The following ARNT variants were observed in gnomAD, a reference collection of about 807,000 sequenced individuals.
The protein encoded by ARNT is class E basic helix-loop-helix protein 2.
In ARNT, 30 loss-of-function variants were observed where a neutral mutation model predicts 105.0. The observed-to-expected ratio is 0.29, with a 90% CI of 0.21 to 0.39. The LOEUF (loss-of-function observed/expected upper bound fraction) is 0.39. Among genes scored for constraint, ARNT ranks in the 10% least tolerant of loss-of-function variants. The pLI, the probability that ARNT is intolerant of heterozygous loss-of-function variation, is 1.00. For missense variants in ARNT, 748 were observed against 978.7 expected (o/e 0.76, Z 3.15); for synonymous variants, 304 against 344.0 (o/e 0.88, Z 1.29).
At chr1:150,865,364 T>C (rs1666388354) in intron 1 of ARNT, among the ~76,000 whole-genome samples, 1 of 152,162 alleles carries the variant, frequency 6.6e-6, no homozygotes, top group Admixed American at 6.5e-5. Context: ...AAATGGACTA[T>C]TGCCTTGGGA....
intron 13 of ARNT, among the ~76,000 whole-genome samples, chr1:150,824,214 A>G (rs970938121): frequency 1.3e-5 from 2 of 151,524 alleles, no homozygotes; most frequent in African/African-American, 2.4e-5. Context: ...ATGGCAAAAA[A>G]TCACAATTTC....
At chr1:150,832,078 C>T (rs1053727262) in intron 9 of ARNT, among the ~76,000 whole-genome samples, 175 bp from the exon 10 acceptor site, 1 of 152,084 alleles carries the variant, frequency 6.6e-6, no homozygotes, top group African/African-American at 2.4e-5. Context: ...AGTAAAGTAA[C>T]CAAAAGGTAT....
At position 150,821,604 on chromosome 1, in the gene ARNT, G is replaced by A. The variant is rs186145699; in HGVS notation, c.1394+1590C>T. ...GTTTACATTTCTCTCAACTACAAAT[G>A]GTGCCATTGTACAAACGGTGTGTAT... On this transcript the variant is annotated intron_variant, in intron 14 of 21. Coordinates refer to ENST00000358595, the MANE Select transcript of ARNT (RefSeq NM_001668.4). Among the ~76,000 whole-genome samples the A allele has an allele frequency of 3.2e-3, 485 of 152,172 alleles. 4 individuals are homozygous for A. Among genetic ancestry groups the A allele is most frequent in the African/African-American group, 0.011 (446 of 41,530 alleles).
chr1:150,819,349 T>C (rs1656595806), intron 14 of ARNT, among the ~76,000 whole-genome samples: 1 of 151,970 alleles, frequency 6.6e-6, no homozygotes, highest in South Asian at 2.1e-4. Context: ...TAAAACAGAG[T>C]TACTATGTGG....
At chr1:150,826,725 A>T in intron 12 of ARNT, 108 bp from the exon 13 acceptor site, 4 of 704,950 alleles carry the variant, frequency 5.7e-6, no homozygotes, top group Non-Finnish European at 9.6e-6. Flanking sequence ...GCTCACTGCA[A>T]CCTCCACCTC....
intron 11 of ARNT, 82 bp from the exon 12 acceptor site, chr1:150,829,309 TA>T: frequency 7.0e-7 from 1 of 1,418,706 alleles, no homozygotes; most frequent in Non-Finnish European, 9.7e-7. Flanking sequence ...GTCTTTTGCA[TA>T]GACATAAGAT....
chr1:150,824,648 T>A (rs965007377), intron 13 of ARNT, among the ~76,000 whole-genome samples: 1 of 151,718 alleles, frequency 6.6e-6, no homozygotes, highest in African/African-American at 2.4e-5. Context: ...AGAGACGGGT[T>A]TTCACCATGT....
intron 1 of ARNT, among the ~76,000 whole-genome samples, chr1:150,875,200 C>G (rs1291974812): frequency 6.6e-6 from 1 of 152,012 alleles, no homozygotes; most frequent in East Asian, 1.9e-4. Flanking sequence ...TAGTTTTATT[C>G]TATCACTCAG....
Position 150,813,183 on chromosome 1 carries a change from C to G in ARNT, c.2269G>C (p.Glu757Gln), listed in dbSNP as rs1354274994. ...TTTCACTCTCTTACCTGGAAGACCT[C>G]AGGCTGGCCAGGTTGCTGTGCTGGC... Reference protein sequence around the residue: ...QPPAQQPGQPEVFQEMLSMLG... With the variant: ...QPPAQQPGQPQVFQEMLSMLG... Residue 757 changes from glutamate to glutamine, a missense_variant, in exon 21 of 22, where the codon GAG becomes CAG. Glu to Gln is a conservative substitution (Grantham distance 29). This residue lies in a region of ARNT where 360 missense variants were observed against 411.9 expected (regional missense o/e 0.87). Coordinates refer to ENST00000358595, the MANE Select transcript of ARNT (RefSeq NM_001668.4). The G allele has an allele frequency of 4.3e-6, 7 of 1,613,094 alleles. No individual in the cohort carries two copies. Among genetic ancestry groups the G allele is most frequent in the Non-Finnish European group, 5.9e-6 (7 of 1,179,648 alleles).
At chr1:150,875,729 T>C (rs915589538) in intron 1 of ARNT, among the ~76,000 whole-genome samples, 6 of 152,240 alleles carry the variant, frequency 3.9e-5, no homozygotes, top group African/African-American at 1.4e-4. Flanking sequence ...ACTCCATCTC[T>C]TAGACAAAAC....
At chr1:150,829,292 C>A in intron 11 of ARNT, 65 bp from the exon 12 acceptor site, 1 of 1,515,284 alleles carries the variant, frequency 6.6e-7, no homozygotes, top group Admixed American at 1.8e-5. Context: ...TTTCCTATCT[C>A]CTCATGGTCT....
intron 13 of ARNT, among the ~76,000 whole-genome samples, chr1:150,825,690 A>T (rs1658074898): frequency 6.6e-6 from 1 of 151,968 alleles, no homozygotes. Context: ...CTCTACTAAA[A>T]ATACAAAAAT....
chr1:150,870,864 G>A (rs1169999361), intron 1 of ARNT, among the ~76,000 whole-genome samples: 1 of 151,798 alleles, frequency 6.6e-6, no homozygotes, highest in African/African-American at 2.4e-5. Context: ...CAATGAAAAC[G>A]TGGAGGGAAA....
chr1:150,853,066 A>G, intron 2 of ARNT: 1 of 439,338 alleles, frequency 2.3e-6, no homozygotes, highest in Middle Eastern at 3.5e-4. Context: ...GGATCACCTG[A>G]GGTCAGGAGT....
intron 1 of ARNT, 99 bp from the exon 2 acceptor site, chr1:150,858,559 A>T (rs982213186): frequency 4.4e-5 from 41 of 937,662 alleles, no homozygotes; most frequent in Non-Finnish European, 6.2e-5. Flanking sequence ...AGCTATAGAC[A>T]AAATCTCAGC....
intron 14 of ARNT, among the ~76,000 whole-genome samples, chr1:150,818,643 C>T (rs1656432263): frequency 6.6e-6 from 1 of 151,940 alleles, no homozygotes; most frequent in African/African-American, 2.4e-5. Flanking sequence ...CCCAGATACT[C>T]AGGAGACAGA....
At position 150,830,032 on chromosome 1, in the gene ARNT, C is replaced by T. The variant is rs757098376; in HGVS notation, c.956-52G>A. 8.2e-6 allele frequency: 13 copies of T among 1,587,600 alleles called. No individual in the cohort carries two copies. The Admixed American group carries it at 2.0e-4, about 25-fold the overall frequency. The stretch of plus-strand genomic sequence containing the variant: ...TAACGGGGACCTCCAACTCAAATGC[C>T]TTCAAAACTCAGACAAGTAAAGATT... On this transcript the variant is annotated intron_variant, in intron 10 of 21. Transcript: ENST00000358595.
chr1:150,834,440 A>T, intron 8 of ARNT, 98 bp downstream of exon 8: 1 of 1,164,066 alleles, frequency 8.6e-7, no homozygotes, highest in Non-Finnish European at 1.3e-6. Context: ...AGTTAAATTT[A>T]ATCCACTGGA....
chr1:150,846,577 C>T (rs1006966546), intron 3 of ARNT, among the ~76,000 whole-genome samples: 10 of 151,958 alleles, frequency 6.6e-5, no homozygotes, highest in African/African-American at 2.4e-4. Context: ...GGCCTGTCAG[C>T]ACAATTCTAA....
Sources: gnomAD v4.1 joint callset for allele counts (sites outside exome capture counted in the v4.1 genomes callset) on GRCh38, gnomAD v4.1.1 for gene constraint, gnomAD v4.1.1 regional missense constraint, MANE v1.5 for transcripts, NCBI Gene and HGNC (gene_info 2026-07-23, HGNC 2026-07-21) for gene names.